The following NKAIN2 variants were observed in gnomAD, a reference collection of about 807,000 sequenced individuals.
NKAIN2 encodes the protein sodium/potassium-transporting ATPase subunit beta-1-interacting protein 2.
Under a neutral mutation model 32.6 loss-of-function variants are expected in NKAIN2, and 14 were observed. The observed-to-expected ratio is 0.43, with a 90% CI of 0.28 to 0.67. NKAIN2 has a LOEUF of 0.67. NKAIN2 is among the 30% of genes least tolerant of loss of function. NKAIN2 has a pLI of 0.17. For synonymous variants in NKAIN2, 80 were observed against 87.2 expected, an observed-to-expected ratio of 0.92 and a Z score of 0.46; for missense variants, 198 against 258.3, an observed-to-expected ratio of 0.77 and a Z score of 1.60.
intron 1 of NKAIN2, among the ~76,000 whole-genome samples, chr6:124,036,945 T>C (rs1055628453): frequency 3.9e-5 from 6 of 152,124 alleles, no homozygotes; most frequent in African/African-American, 1.4e-4. Flanking sequence ...TATCAAAGTG[T>C]ATTTGGTTTA....
At chr6:123,961,634 G>C (rs1249113920) in intron 1 of NKAIN2, among the ~76,000 whole-genome samples, 1 of 152,136 alleles carries the variant, frequency 6.6e-6, no homozygotes, top group Admixed American at 6.6e-5. Flanking sequence ...TTGTATTGGA[G>C]AGATAATGGC....
intron 1 of NKAIN2, among the ~76,000 whole-genome samples, chr6:124,023,484 C>T (rs1168026242): frequency 2.0e-5 from 3 of 152,114 alleles, no homozygotes; most frequent in Non-Finnish European, 4.4e-5. Flanking sequence ...TCCTCCTGCT[C>T]TGTGCCTTAA....
intron 4 of NKAIN2, among the ~76,000 whole-genome samples, chr6:124,707,269 T>C (rs936123723): frequency 9.9e-5 from 15 of 152,154 alleles, no homozygotes; most frequent in African/African-American, 3.6e-4. Flanking sequence ...GTTCCAAGTC[T>C]TTGCTACTGT....
At chr6:124,815,239 T>TGTATAC (rs1342225828) in intron 5 of NKAIN2, among the ~76,000 whole-genome samples, 74 of 143,510 alleles carry the variant, frequency 5.2e-4, no homozygotes, top group African/African-American at 1.9e-3. Context: ...TATATATATA[T>TGTATAC]ATGTATATAT....
chr6:124,550,032 A>ACCTCCC (rs1403346828), intron 3 of NKAIN2, among the ~76,000 whole-genome samples: 1 of 152,128 alleles, frequency 6.6e-6, no homozygotes, highest in Admixed American at 6.6e-5. Context: ...CATGAAGCTT[A>ACCTCCC]CCTCCATTGG....
At chr6:123,937,521 G>A (rs527662871) in intron 1 of NKAIN2, among the ~76,000 whole-genome samples, 9 of 152,172 alleles carry the variant, frequency 5.9e-5, no homozygotes, top group East Asian at 1.9e-4. Context: ...GTACGACTGC[G>A]TGTGAAAAGA....
intron 1 of NKAIN2, among the ~76,000 whole-genome samples, chr6:124,057,505 A>C (rs1353617917): frequency 2.0e-5 from 3 of 152,074 alleles, no homozygotes; most frequent in Admixed American, 2.0e-4. Flanking sequence ...GAAGACACTA[A>C]AAAAATGACT....
intron 3 of NKAIN2, among the ~76,000 whole-genome samples, chr6:124,507,090 A>G (rs1778515360): frequency 6.6e-6 from 1 of 152,204 alleles, no homozygotes; most frequent in South Asian, 2.1e-4. Context: ...TATAATAACA[A>G]AGAAGAAAGG....
At chr6:124,543,252 T>C (rs1319168456) in intron 3 of NKAIN2, among the ~76,000 whole-genome samples, 1 of 152,208 alleles carries the variant, frequency 6.6e-6, no homozygotes, top group Non-Finnish European at 1.5e-5. Flanking sequence ...TCCAGTTTCC[T>C]TGGGAAACTC....
At chr6:124,413,276 A>C (rs1446860937) in intron 3 of NKAIN2, among the ~76,000 whole-genome samples, 1 of 152,058 alleles carries the variant, frequency 6.6e-6, no homozygotes, top group Non-Finnish European at 1.5e-5. Flanking sequence ...CTTTTTGTTT[A>C]AGAATTGACG....
chr6:124,620,542 C>A (rs1722409992), intron 3 of NKAIN2, among the ~76,000 whole-genome samples: 1 of 152,178 alleles, frequency 6.6e-6, no homozygotes, highest in Non-Finnish European at 1.5e-5. Flanking sequence ...TCAGAAGTGG[C>A]TTTCATTGTT....
At chr6:124,264,272 G>T (rs888607179) in intron 1 of NKAIN2, among the ~76,000 whole-genome samples, 1 of 152,004 alleles carries the variant, frequency 6.6e-6, no homozygotes, top group African/African-American at 2.4e-5. Context: ...CTTCTAGTAC[G>T]CAGATGCCTC....
At chr6:124,484,641 G>A (rs1407081928) in intron 3 of NKAIN2, among the ~76,000 whole-genome samples, 1 of 152,022 alleles carries the variant, frequency 6.6e-6, no homozygotes, top group African/African-American at 2.4e-5. Flanking sequence ...AACCACCAAG[G>A]CAAGATATAT....
At chr6:124,570,458 G>A (rs996283907) in intron 3 of NKAIN2, among the ~76,000 whole-genome samples, 3 of 152,114 alleles carry the variant, frequency 2.0e-5, no homozygotes, top group African/African-American at 7.2e-5. Flanking sequence ...GCTTGGCCCT[G>A]GGTCCCTGCG....
At chr6:123,903,823 T>C (rs1052846620) in intron 1 of NKAIN2, among the ~76,000 whole-genome samples, 1 of 152,194 alleles carries the variant, frequency 6.6e-6, no homozygotes, top group Non-Finnish European at 1.5e-5. Flanking sequence ...AGTTACACTA[T>C]CGATAGGATG....
chr6:123,842,195 C>T (rs1456856299), intron 1 of NKAIN2, among the ~76,000 whole-genome samples: 1 of 152,102 alleles, frequency 6.6e-6, no homozygotes, highest in Non-Finnish European at 1.5e-5. Context: ...ACGTATTAGT[C>T]TGCTTGGGCT....
At chr6:123,993,672 C>T (rs756285085) in intron 1 of NKAIN2, among the ~76,000 whole-genome samples, 9 of 152,104 alleles carry the variant, frequency 5.9e-5, no homozygotes, top group Non-Finnish European at 1.2e-4. Flanking sequence ...GTGCATTCTC[C>T]TCAGGGTTAC....
intron 1 of NKAIN2, among the ~76,000 whole-genome samples, chr6:124,025,606 G>A (rs986060589): frequency 6.6e-6 from 1 of 152,126 alleles, no homozygotes; most frequent in Admixed American, 6.6e-5. Context: ...TAAGTTCTGG[G>A]TATCTATTGT....
chr6:124,536,943 A>G (rs889399718), intron 3 of NKAIN2, among the ~76,000 whole-genome samples: 20 of 152,226 alleles, frequency 1.3e-4, no homozygotes, highest in African/African-American at 4.8e-4. Flanking sequence ...GTGAAATTTC[A>G]GCTTTATGGG....
Sources: gnomAD v4.1 joint callset for allele counts (sites outside exome capture counted in the v4.1 genomes callset) on GRCh38, gnomAD v4.1.1 for gene constraint, MANE v1.5 for transcripts, NCBI Gene and HGNC (gene_info 2026-07-23, HGNC 2026-07-21) for gene names.